The following AFF4 variants were observed in gnomAD, a reference collection of about 807,000 sequenced individuals.
The protein encoded by AFF4 is ALF transcription elongation factor 4.
In AFF4, 13 loss-of-function variants were observed where a neutral mutation model predicts 124.8. The ratio of observed to expected loss-of-function variants is 0.10; its 90% CI spans 0.07 to 0.17. The LOEUF is 0.17. Among genes scored for constraint, AFF4 ranks in the 10% least tolerant of loss-of-function variants. The pLI is 1.00. For synonymous variants in AFF4, 477 were observed against 496.1 expected, an observed-to-expected ratio of 0.96 and a Z score of 0.51; for missense variants, 1,092 against 1,403.8, an observed-to-expected ratio of 0.78 and a Z score of 3.55.
In AFF4 at chr5:132,880,136, T is replaced by C; in HGVS notation, c.*923A>G. 2.5e-6 allele frequency: 1 copy of C among 398,404 alleles called. No homozygotes were observed. Among genetic ancestry groups the C allele is most frequent in the Non-Finnish European group, 4.4e-6 (1 of 225,860 alleles). The allele number at this position is 398,404 out of a possible 1,614,324, so 24.7% of individuals were successfully genotyped here. The stretch of plus-strand genomic sequence containing the variant: ...CAGGCGGCAATCCTCAGGAGTTGGA[T>C]CATCCTTTTTTCCACAGTAACTTAT... On this transcript the variant is annotated 3_prime_UTR_variant, in exon 21 of 21. Transcript: ENST00000265343.
Position 132,877,612 on chromosome 5 carries a change from C to T in AFF4, c.*3447G>A, listed in dbSNP as rs1052850652. The T allele has an allele frequency of 2.9e-5, 6 of 209,894 alleles. No individual in the cohort carries two copies. Among genetic ancestry groups the T allele is most frequent in the African/African-American group, 1.4e-4 (6 of 43,984 alleles). The allele number at this position is 209,894 out of a possible 1,614,324, so 13.0% of individuals were successfully genotyped here. On this transcript the variant is annotated 3_prime_UTR_variant, in exon 21 of 21. Transcript: ENST00000265343. The stretch of plus-strand genomic sequence containing the variant: ...CACCTAGAAGAGTGCACAGTGTACT[C>T]CTCCTCTATATAACTAGGCATCACT...
At chr5:132,946,225 T>C (rs936934026) in intron 1 of AFF4, among the ~76,000 whole-genome samples, 2 of 152,216 alleles carry the variant, frequency 1.3e-5, no homozygotes, top group Non-Finnish European at 2.9e-5. Flanking sequence ...GGTGGGAATA[T>C]GCAATGGTGC....
intron 1 of AFF4, among the ~76,000 whole-genome samples, chr5:132,959,320 C>T (rs138513336): frequency 2.2e-3 from 330 of 152,152 alleles, no homozygotes; most frequent in Non-Finnish European, 3.6e-3. Context: ...CGGGGTTTCA[C>T]CATATTGTCC....
intron 3 of AFF4, among the ~76,000 whole-genome samples, chr5:132,933,499 G>T (rs952138783): frequency 1.3e-5 from 2 of 152,006 alleles, no homozygotes; most frequent in African/African-American, 4.8e-5. Flanking sequence ...CTTGAGGCCA[G>T]GAGTTCCAGA....
At chr5:132,940,590 T>C (rs1353981809) in intron 1 of AFF4, among the ~76,000 whole-genome samples, 1 of 152,244 alleles carries the variant, frequency 6.6e-6, no homozygotes, top group Non-Finnish European at 1.5e-5. Context: ...GAAGTATTTC[T>C]ATATCTCTTG....
chr5:132,955,124 C>T (rs1252624306), intron 1 of AFF4, among the ~76,000 whole-genome samples: 1 of 152,106 alleles, frequency 6.6e-6, no homozygotes, highest in African/African-American at 2.4e-5. Flanking sequence ...AAATCCTCTC[C>T]AACCCATAGT....
At chr5:132,957,067 G>A (rs1381006385) in intron 1 of AFF4, among the ~76,000 whole-genome samples, 2 of 144,584 alleles carry the variant, frequency 1.4e-5, no homozygotes, top group Non-Finnish European at 1.5e-5. Flanking sequence ...ATGGCCAGGT[G>A]CAGTAACTCA....
At chr5:132,941,196 A>G (rs1041658932) in intron 1 of AFF4, among the ~76,000 whole-genome samples, 14 of 152,154 alleles carry the variant, frequency 9.2e-5, no homozygotes, top group African/African-American at 3.4e-4. Flanking sequence ...TCCAAAAGCA[A>G]TAATTCCAGT....
In AFF4 at chr5:132,876,106, T is replaced by C. The variant is rs537386380; in HGVS notation, c.*4953A>G. 9 of 230,176 alleles carry C rather than the reference T, an allele frequency of 3.9e-5. 1 individual carries two copies. The highest frequency in any genetic ancestry group is 1.2e-4 in the East Asian group (2 of 16,172). 14.3% of individuals were successfully genotyped at this position (230,176 alleles called of 1,614,324 possible). Reference sequence around the variant, plus strand: ...TCAAAACGGAGGCTAGATAGAAATTTTCATAACTGTGCTTACCAACCCCAC... The same window carrying C: ...TCAAAACGGAGGCTAGATAGAAATTCTCATAACTGTGCTTACCAACCCCAC... On this transcript the variant is annotated 3_prime_UTR_variant, in exon 21 of 21. Transcript: ENST00000265343.
chr5:132,892,004 A>T, intron 13 of AFF4, 160 bp downstream of exon 13: 1 of 1,117,888 alleles, frequency 8.9e-7, no homozygotes, highest in Non-Finnish European at 1.3e-6. Context: ...GTCTTATATC[A>T]CTGTATTCAT....
At chr5:132,930,987 A>C (rs1265495386) in intron 4 of AFF4, among the ~76,000 whole-genome samples, 1 of 150,816 alleles carries the variant, frequency 6.6e-6, no homozygotes, top group Non-Finnish European at 1.5e-5. Flanking sequence ...GATGCCTATA[A>C]TCCCAGCTAC....
In AFF4 at chr5:132,920,954, C is replaced by T. The variant is rs551788729; in HGVS notation, c.1050+6167G>A. Among the ~76,000 whole-genome samples, 70 of 151,932 alleles carry T rather than the reference C, an allele frequency of 4.6e-4. 1 individual carries two copies. Among genetic ancestry groups the T allele is most frequent in the African/African-American group, 1.6e-3 (67 of 41,454 alleles). On this transcript the variant is annotated intron_variant, in intron 5 of 20. Coordinates refer to ENST00000265343, the MANE Select transcript of AFF4 (RefSeq NM_014423.4). ...CATCCTGACTAACACGGTGAAATCCCGTCTCTACTAAAAATACAAAAAATT... is the reference window on the plus strand; with the variant it reads ...CATCCTGACTAACACGGTGAAATCCTGTCTCTACTAAAAATACAAAAAATT...
At chr5:132,923,783 A>T (rs577565558) in intron 5 of AFF4, among the ~76,000 whole-genome samples, 1 of 152,194 alleles carries the variant, frequency 6.6e-6, no homozygotes, top group Non-Finnish European at 1.5e-5. Flanking sequence ...CACTTACCCT[A>T]TGAACCAGCA....
At chr5:132,940,978 G>T (rs542427653) in intron 1 of AFF4, among the ~76,000 whole-genome samples, 39 of 151,518 alleles carry the variant, frequency 2.6e-4, no homozygotes, top group Admixed American at 1.1e-3. Context: ...AGTGAGCTGA[G>T]ATTGCATCAC....
chr5:132,924,028 G>A (rs527787314), intron 5 of AFF4, among the ~76,000 whole-genome samples: 2 of 151,830 alleles, frequency 1.3e-5, no homozygotes. Context: ...GGCTAACGCA[G>A]GTGGATCACG....
chr5:132,909,053 G>A (rs182313896), intron 5 of AFF4, among the ~76,000 whole-genome samples: 8 of 151,628 alleles, frequency 5.3e-5, no homozygotes, highest in African/African-American at 1.9e-4. Context: ...ATAAGCATGA[G>A]GCACCGCACC....
chr5:132,894,127 T>C (rs1380757087), intron 11 of AFF4, among the ~76,000 whole-genome samples: 2 of 152,240 alleles, frequency 1.3e-5, no homozygotes, highest in Non-Finnish European at 2.9e-5. Context: ...TGAATAATGC[T>C]ACTATGAACA....
rs114743775 is a variant in AFF4 at position 132,903,117 on chromosome 5, C to T, written c.1088-630G>A. Among the ~76,000 whole-genome samples the T allele has an allele frequency of 9.6e-4, 146 of 151,638 alleles. 1 individual carries two copies. The highest frequency in any genetic ancestry group is 3.4e-3 in the African/African-American group (140 of 41,302). ...AGGATGAAGCATTCTTAAAAGATGA[C>T]GACTAGGGAAAACAAGCTGAGAAAA... On this transcript the variant is annotated intron_variant, in intron 6 of 20. Transcript: ENST00000265343.
rs1581295541 is a variant in AFF4 at position 132,912,128 on chromosome 5, G to A, written c.1051-7724C>T. 3.3e-5 allele frequency among the ~76,000 whole-genome samples: 5 copies of A among 149,794 alleles called. No homozygotes were observed. In the South Asian group the frequency reaches 6.3e-4, roughly 19 times the overall value. ...AGCACTTTGGGAGGTGGAGGTTGGC[G>A]GATCACCTGACGTCAGGAGTTCGAG... is the stretch of plus-strand genomic sequence containing the variant. On this transcript the variant is annotated intron_variant, in intron 5 of 20. Coordinates refer to ENST00000265343, the MANE Select transcript of AFF4 (RefSeq NM_014423.4).
Sources: gnomAD v4.1 joint callset for allele counts (sites outside exome capture counted in the v4.1 genomes callset) on GRCh38, gnomAD v4.1.1 for gene constraint, MANE v1.5 for transcripts, NCBI Gene and HGNC (gene_info 2026-07-23, HGNC 2026-07-21) for gene names.